The following SHANK2 variants were observed in gnomAD, a reference collection of about 807,000 sequenced individuals.
SHANK2 encodes the protein SH3 and multiple ankyrin repeat domains protein 2.
SHANK2 carries 43 observed loss-of-function variants against 133.7 expected under a neutral mutation model. The ratio of observed to expected loss-of-function variants is 0.32; its 90% CI spans 0.25 to 0.41. The LOEUF is 0.41. Among genes scored for constraint, SHANK2 ranks in the 10% least tolerant of loss-of-function variants. The pLI is 1.00. For synonymous variants in SHANK2, 1,017 were observed against 952.8 expected, an observed-to-expected ratio of 1.07 and a Z score of -1.24; for missense variants, 1,994 against 2,235.8, an observed-to-expected ratio of 0.89 and a Z score of 2.18.
At chr11:70,595,891 TAGG>T (rs1161485714) in intron 17 of SHANK2, among the ~76,000 whole-genome samples, 2 of 152,178 alleles carry the variant, frequency 1.3e-5, no homozygotes, top group Non-Finnish European at 2.9e-5. Flanking sequence ...TGGATTAGGG[TAGG>T]ACTTTATTCC....
At chr11:70,618,792 G>GA (rs2060791240) in intron 17 of SHANK2, among the ~76,000 whole-genome samples, 1 of 152,186 alleles carries the variant, frequency 6.6e-6, no homozygotes, top group South Asian at 2.1e-4. Flanking sequence ...CCTGAGCTTG[G>GA]AAAACTGGGC....
intron 9 of SHANK2, among the ~76,000 whole-genome samples, chr11:71,072,310 C>T (rs1402375365): frequency 1.3e-5 from 2 of 152,130 alleles, no homozygotes. Context: ...AACAGCCCCC[C>T]ACGCCCCTGC....
At chr11:70,578,605 TG>T (rs2060146221) in intron 17 of SHANK2, among the ~76,000 whole-genome samples, 1 of 151,190 alleles carries the variant, frequency 6.6e-6, no homozygotes, top group African/African-American at 2.4e-5. Flanking sequence ...CCCGAGAAGG[TG>T]GGGGGCCCTG....
intron 1 of SHANK2, among the ~76,000 whole-genome samples, chr11:71,234,802 G>A (rs1245415037): frequency 6.6e-6 from 1 of 152,092 alleles, no homozygotes; most frequent in African/African-American, 2.4e-5. Flanking sequence ...ATGGCCGGGT[G>A]GTCCTGCTGC....
At chr11:71,089,446 AGT>A (rs1262578229) in intron 8 of SHANK2, among the ~76,000 whole-genome samples, 18 of 151,212 alleles carry the variant, frequency 1.2e-4, no homozygotes, top group Non-Finnish European at 1.2e-4. Context: ...CGTGCGTGCG[AGT>A]GTGTGTGTGT....
chr11:71,066,020 T>C (rs1262456936), intron 9 of SHANK2, among the ~76,000 whole-genome samples: 163 of 1,340 alleles, frequency 0.12, no homozygotes, highest in East Asian at 0.15. Context: ...GGGAGATGAG[T>C]GGTGAGTGGG....
At chr11:70,624,925 C>A (rs529186568) in intron 17 of SHANK2, among the ~76,000 whole-genome samples, 47 of 152,330 alleles carry the variant, frequency 3.1e-4, no homozygotes, top group Admixed American at 7.2e-4. Context: ...AGGGTTCTCA[C>A]CAGGAGTTTA....
At chr11:70,717,970 T>G (rs1479318814) in intron 14 of SHANK2, among the ~76,000 whole-genome samples, 1 of 152,182 alleles carries the variant, frequency 6.6e-6, no homozygotes, top group Non-Finnish European at 1.5e-5. Context: ...AGCTGAAAAT[T>G]CGCTTCTTTG....
At chr11:70,602,985 G>A (rs1026779613) in intron 17 of SHANK2, among the ~76,000 whole-genome samples, 4 of 152,234 alleles carry the variant, frequency 2.6e-5, no homozygotes, top group African/African-American at 4.8e-5. Context: ...CTGCTGGCCC[G>A]TGGCAGAGGT....
In SHANK2 at chr11:70,472,903, A is replaced by G; in HGVS notation, c.5516T>C (p.Ile1839Thr). Reference protein sequence around the residue: ...GVTRVGHRMNIERALKQLLDR With the variant: ...GVTRVGHRMNTERALKQLLDR Reference sequence around the variant, plus strand: ...CAGCAGCTGTTTCAAAGCCCTTTCTATGTTCATTCTGTGCCCGACTCGAGT... The same window carrying G: ...CAGCAGCTGTTTCAAAGCCCTTTCTGTGTTCATTCTGTGCCCGACTCGAGT... Residue 1839 changes from isoleucine (I) to threonine (T), a missense_variant, in exon 26 of 26, where the codon ATA becomes ACA. Ile to Thr is a moderately conservative substitution (Grantham distance 89, BLOSUM62 -1). Coordinates refer to ENST00000601538, the MANE Select transcript of SHANK2 (RefSeq NM_012309.5). This position sits in a 1 kb window ranked among gnomAD's most constrained non-coding sequence, Gnocchi z 4.4. 1 of 1,614,142 alleles carries G rather than the reference A, an allele frequency of 6.2e-7. No homozygotes were observed. The highest frequency in any genetic ancestry group is 8.5e-7 in the Non-Finnish European group (1 of 1,180,024).
Position 71,252,084 on chromosome 11 carries a change from G to A in SHANK2, c.-113+341C>T, listed in dbSNP as rs147639250. Reference sequence around the variant, plus strand: ...AGAGGAAGGGGCAGGACGCGCCAGAGACTACGTGGTCCATGCGCGCAGGAG... The same window carrying A: ...AGAGGAAGGGGCAGGACGCGCCAGAAACTACGTGGTCCATGCGCGCAGGAG... On this transcript the variant is annotated intron_variant, in intron 1 of 25. Coordinates refer to ENST00000601538, the MANE Select transcript of SHANK2 (RefSeq NM_012309.5). This position sits in a 1 kb window ranked among gnomAD's most constrained non-coding sequence, Gnocchi z 6.3. Among the ~76,000 whole-genome samples the A allele has an allele frequency of 1.1e-3, 175 of 152,206 alleles. No homozygotes were observed. The highest frequency in any genetic ancestry group is 1.9e-3 in the Non-Finnish European group (130 of 68,008).
At chr11:71,133,204 G>A (rs1555103983) in intron 3 of SHANK2, among the ~76,000 whole-genome samples, 1 of 151,664 alleles carries the variant, frequency 6.6e-6, no homozygotes, top group East Asian at 1.9e-4. Context: ...ATGGGTGGCT[G>A]GGTAGGTGGG....
At chr11:70,620,654 T>C (rs1336377706) in intron 17 of SHANK2, among the ~76,000 whole-genome samples, 1 of 152,214 alleles carries the variant, frequency 6.6e-6, no homozygotes, top group Non-Finnish European at 1.5e-5. Context: ...AGTTCCTATG[T>C]TGACACATTT....
At chr11:70,475,449 C>A (rs1185072776) in intron 25 of SHANK2, among the ~76,000 whole-genome samples, 1 of 152,214 alleles carries the variant, frequency 6.6e-6, no homozygotes, top group African/African-American at 2.4e-5. Flanking sequence ...CGCTGCTGGT[C>A]TAGTCTGTCT....
At position 71,066,361 on chromosome 11, in the gene SHANK2, G is replaced by A. The variant is rs1266364339; in HGVS notation, c.1029+8798C>T. On this transcript the variant is annotated intron_variant, in intron 9 of 25. Coordinates refer to ENST00000601538, the MANE Select transcript of SHANK2 (RefSeq NM_012309.5). ...CAGTGAGTGGGGAAGTTGGGGGGGT[G>A]CAGAAGTCTCCCAGGGAGATGAGCA... 8.8e-3 allele frequency among the ~76,000 whole-genome samples: 1,170 copies of A among 133,242 alleles called. 10 individuals are homozygous for A. Among genetic ancestry groups the A allele is most frequent in the Non-Finnish European group, 0.013 (794 of 61,040 alleles). 87.4% of individuals were successfully genotyped at this position (133,242 alleles called of 152,430 possible).
intron 2 of SHANK2, among the ~76,000 whole-genome samples, chr11:71,169,150 C>CTTGG (rs1565492459): frequency 1.3e-5 from 2 of 152,178 alleles, no homozygotes. Context: ...AAAGGAGACA[C>CTTGG]TTGGTTGGTT....
At chr11:71,217,040 T>C (rs569564960) in intron 2 of SHANK2, among the ~76,000 whole-genome samples, 52 of 147,420 alleles carry the variant, frequency 3.5e-4, no homozygotes, top group Admixed American at 1.2e-3. Flanking sequence ...CTACCAAAAA[T>C]ACAAAATTAG....
At chr11:70,786,984 CCAG>C (rs1321173113) in intron 14 of SHANK2, among the ~76,000 whole-genome samples, 8 of 151,800 alleles carry the variant, frequency 5.3e-5, no homozygotes, top group Non-Finnish European at 8.8e-5. Context: ...ACCACCACCA[CCAG>C]CATCACCACC....
chr11:71,056,516 C>T lies in SHANK2; in HGVS notation c.1072G>A (p.Glu358Lys), dbSNP rs1393645086. Residue 358 changes from glutamate to lysine, a missense_variant, in exon 10 of 26, where the codon GAG (glutamate) becomes AAG (lysine). By Grantham distance (56) the Glu-to-Lys change is moderately conservative. Transcript: ENST00000601538. ...RVLLFRGGNK[E>K]LKNYNSQTPF... ...GTCTGGCTGTTGTAGTTTTTTAACT[C>T]CTTATTTCCGCCTCGAAACAGAAGC... 6.6e-6 allele frequency: 1 copy of T among 152,176 alleles called. No individual in the cohort carries two copies. Among genetic ancestry groups the T allele is most frequent in the Non-Finnish European group, 1.5e-5 (1 of 68,032 alleles). 9.4% of individuals were successfully genotyped at this position (152,176 alleles called of 1,614,324 possible).
Sources: gnomAD v4.1 joint callset for allele counts (sites outside exome capture counted in the v4.1 genomes callset) on GRCh38, gnomAD v4.1.1 for gene constraint, Gnocchi (gnomAD v3.1) non-coding constraint, MANE v1.5 for transcripts, NCBI Gene and HGNC (gene_info 2026-07-23, HGNC 2026-07-21) for gene names.